Variants in SMAP2 observed in about 807,000 individuals in gnomAD.
SMAP2 encodes the protein small ArfGAP2.
SMAP2 carries 25 observed loss-of-function variants against 56.4 expected under a neutral mutation model. The ratio of observed to expected loss-of-function variants is 0.44; its 90% CI spans 0.32 to 0.62. SMAP2 has a LOEUF of 0.62. Ranked by LOEUF, SMAP2 falls within the 20% of genes least tolerant of loss-of-function variation. SMAP2 has a pLI of 0.04. For missense variants in SMAP2, 388 were observed against 545.6 expected (o/e 0.71, Z 2.88); for synonymous variants, 157 against 181.7 (o/e 0.86, Z 1.09).
rs1416173530 is a variant in SMAP2 at position 40,374,619 on chromosome 1, G to GTC, written c.103+397_103+398insCT. 4.4e-5 allele frequency: 62 copies of GTC among 1,399,464 alleles called. No individual in the cohort carries two copies. The highest frequency in any genetic ancestry group is 6.0e-5 in the Non-Finnish European group (62 of 1,025,014). The allele number at this position is 1,399,464 out of a possible 1,614,324, so 86.7% of individuals were successfully genotyped here. ...TGCGTGTGTGTGTGTGTGTGTGTGTGTGTGTGAGAGAGAGAGAGAGAGAAT... is the reference window on the plus strand; with the variant it reads ...TGCGTGTGTGTGTGTGTGTGTGTGTGTCTGTGTGAGAGAGAGAGAGAGAGAAT... On this transcript the variant is annotated intron_variant, in intron 1 of 9. Coordinates refer to ENST00000372718, the MANE Select transcript of SMAP2 (RefSeq NM_022733.3). This position sits in a 1 kb window ranked among gnomAD's most constrained non-coding sequence, Gnocchi z 5.9.
intron 1 of SMAP2, among the ~76,000 whole-genome samples, chr1:40,387,090 T>C (rs1644664092): frequency 6.6e-6 from 1 of 152,174 alleles, no homozygotes; most frequent in South Asian, 2.1e-4. Context: ...TGAGCTCACA[T>C]CATCTGCCTG....
intron 1 of SMAP2, among the ~76,000 whole-genome samples, chr1:40,361,780 G>A (rs1466989941): frequency 1.3e-5 from 2 of 152,204 alleles, no homozygotes; most frequent in Non-Finnish European, 2.9e-5. Flanking sequence ...GAAGGACTTT[G>A]TCTTGTGGCT....
Position 40,398,655 on chromosome 1 carries a change from G to A in SMAP2, c.104-8081G>A, listed in dbSNP as rs1569883400. Among the ~76,000 whole-genome samples, 3 of 152,110 alleles carry A rather than the reference G, an allele frequency of 2.0e-5. No homozygotes were observed. The South Asian group carries it at 6.2e-4, about 32-fold the overall frequency. ...TCCCTGATGAATTCTTACAAGTGGG[G>A]TCAAAGGATTTACTTAGTTCTTTTG... is the stretch of plus-strand genomic sequence containing the variant. On this transcript the variant is annotated intron_variant, in intron 1 of 9. Transcript: ENST00000372718.
At chr1:40,383,470 A>G (rs1644620281) in intron 1 of SMAP2, among the ~76,000 whole-genome samples, 1 of 152,216 alleles carries the variant, frequency 6.6e-6, no homozygotes, top group Non-Finnish European at 1.5e-5. Flanking sequence ...AAAGGCACTG[A>G]ATTCTCCAAG....
At chr1:40,376,641 A>C (rs899451742) in intron 1 of SMAP2, among the ~76,000 whole-genome samples, 1 of 152,204 alleles carries the variant, frequency 6.6e-6, no homozygotes, top group Non-Finnish European at 1.5e-5. Context: ...AGATTGTTGA[A>C]GGAAAAGACG....
intron 1 of SMAP2, among the ~76,000 whole-genome samples, chr1:40,358,767 GTTTC>G (rs1303535484): frequency 1.3e-5 from 2 of 152,180 alleles, no homozygotes; most frequent in Non-Finnish European, 2.9e-5. Flanking sequence ...TAAGTCTGAT[GTTTC>G]TTTGTTGGTT....
rs1406364377 is a variant in SMAP2, at chr1:40,385,030, A to C, written c.103+10807A>C. Among the ~76,000 whole-genome samples the C allele has an allele frequency of 6.6e-6, 1 of 151,854 alleles. No individual in the cohort carries two copies. Among genetic ancestry groups the C allele is most frequent in the Non-Finnish European group, 1.5e-5 (1 of 67,954 alleles). On this transcript the variant is annotated intron_variant, in intron 1 of 9. Coordinates refer to ENST00000372718, the MANE Select transcript of SMAP2 (RefSeq NM_022733.3). This position sits in a 1 kb window ranked among gnomAD's most constrained non-coding sequence, Gnocchi z 4.5. ...TGAATGCCGGTCCACTGATGGCTGA[A>C]CTGCAGGTCTCTCCCCAGTGGAAAG...
rs542790608 is a variant in SMAP2 at position 40,348,636 on chromosome 1, C to T, written c.-83+3726C>T. On this transcript the variant is annotated intron_variant, in intron 1 of 6. Coordinates refer to the SMAP2 transcript ENST00000435168. The stretch of plus-strand genomic sequence containing the variant: ...AGGTTGCAGTGAGCAGAGATGGCGC[C>T]GCTTCACTCAAGCCTGGGTGACAGA... 5.3e-5 allele frequency among the ~76,000 whole-genome samples: 8 copies of T among 152,022 alleles called. No individual in the cohort carries two copies. The South Asian group carries it at 1.3e-3, about 24-fold the overall frequency.
intron 1 of SMAP2, among the ~76,000 whole-genome samples, chr1:40,354,262 C>T (rs1047682934): frequency 3.9e-5 from 6 of 152,142 alleles, no homozygotes; most frequent in Admixed American, 6.5e-5. Flanking sequence ...AAGACTGCCT[C>T]AACAGGAAAT....
chr1:40,410,487 T>C (rs1242863128), intron 4 of SMAP2, among the ~76,000 whole-genome samples: 5 of 151,998 alleles, frequency 3.3e-5, no homozygotes, highest in African/African-American at 1.2e-4. Context: ...TACACACATA[T>C]ATACTTTTTT....
chr1:40,383,056 T>G (rs569983170), intron 1 of SMAP2, among the ~76,000 whole-genome samples: 103 of 152,180 alleles, frequency 6.8e-4, no homozygotes, highest in Non-Finnish European at 1.1e-3. Flanking sequence ...CCACTGTTGG[T>G]CTTATAAGCA....
chr1:40,378,467 A>T (rs1315760132), intron 1 of SMAP2, among the ~76,000 whole-genome samples: 1 of 152,080 alleles, frequency 6.6e-6, no homozygotes, highest in Non-Finnish European at 1.5e-5. Flanking sequence ...GCAAAGATTT[A>T]TTTATTTATT....
chr1:40,398,319 C>A (rs1644793481), intron 1 of SMAP2, among the ~76,000 whole-genome samples: 1 of 88,484 alleles, frequency 1.1e-5, no homozygotes, highest in Middle Eastern at 4.3e-3. Context: ...GCCTTTGAAT[C>A]CTTGGGCTCA....
At chr1:40,380,529 CT>C (rs370625950) in intron 1 of SMAP2, among the ~76,000 whole-genome samples, 1 of 142,874 alleles carries the variant, frequency 7.0e-6, no homozygotes. Context: ...ATCTGTGGCA[CT>C]TTTTTTTTTT....
At chr1:40,353,866 C>T (rs1644421173) in intron 1 of SMAP2, among the ~76,000 whole-genome samples, 1 of 152,078 alleles carries the variant, frequency 6.6e-6, no homozygotes, top group Admixed American at 6.5e-5. Flanking sequence ...GCTGGGATTA[C>T]AGGTGTGAGC....
chr1:40,382,987 G>C (rs949314552), intron 1 of SMAP2, among the ~76,000 whole-genome samples: 1 of 152,162 alleles, frequency 6.6e-6, no homozygotes, highest in Admixed American at 6.5e-5. Context: ...TGAAAAATAA[G>C]TTTTAAAATA....
intron 2 of SMAP2, chr1:40,365,035 G>A: frequency 4.5e-6 from 1 of 224,256 alleles, no homozygotes; most frequent in Non-Finnish European, 9.4e-6. Context: ...GGCTGTGGCT[G>A]TTGGCCATGT....
chr1:40,391,354 A>G (rs1644714328), intron 1 of SMAP2, among the ~76,000 whole-genome samples: 1 of 152,222 alleles, frequency 6.6e-6, no homozygotes, highest in Admixed American at 6.5e-5. Flanking sequence ...TTTAATGACC[A>G]TGTCAAGTTT....
At chr1:40,391,104 C>T (rs66536184) in intron 1 of SMAP2, among the ~76,000 whole-genome samples, 33,690 of 152,028 alleles carry the variant, frequency 0.22, 4,008 homozygotes, top group Middle Eastern at 0.33. Context: ...TCTTCCCTAC[C>T]CCTCTGCCCG....
Sources: allele counts gnomAD v4.1 joint callset (sites outside exome capture counted in the v4.1 genomes callset), GRCh38; gene constraint gnomAD v4.1.1; non-coding constraint Gnocchi (gnomAD v3.1); transcripts MANE v1.5; gene names NCBI Gene and HGNC (gene_info 2026-07-23, HGNC 2026-07-21).